PMS1: variants seen among roughly 807,000 people sequenced by gnomAD.
PMS1 encodes PMS1 homolog 1, mismatch repair system component.
Under a neutral mutation model 93.1 loss-of-function variants are expected in PMS1, and 79 were observed. The ratio of observed to expected loss-of-function variants is 0.85; its 90% CI spans 0.71 to 1.02. The LOEUF (loss-of-function observed/expected upper bound fraction) is 1.02, where lower values mean the gene tolerates loss of function less well. Among genes scored for constraint, PMS1 ranks in the 50% least tolerant of loss-of-function variants. The pLI, the probability that PMS1 is intolerant of heterozygous loss-of-function variation, is 0.00. For missense variants in PMS1, 1,064 were observed against 1,085.3 expected (o/e 0.98, Z 0.28); for synonymous variants, 335 against 363.4 (o/e 0.92, Z 0.89).
chr2:189,823,852 C>T (rs2106347074), intron 5 of PMS1, among the ~76,000 whole-genome samples: 1 of 152,212 alleles, frequency 6.6e-6, no homozygotes, highest in East Asian at 1.9e-4. Flanking sequence ...TCGTTTCCCA[C>T]ATATAAAGTC....
At chr2:189,791,620 A>C (rs1042952734) in intron 1 of PMS1, 170 bp from the exon 2 acceptor site, 66 of 532,216 alleles carry the variant, frequency 1.2e-4, no homozygotes, top group Non-Finnish European at 2.1e-4. Flanking sequence ...ATCTCCAAAA[A>C]AAAAAAAAGA....
At chr2:189,824,839 A>T (rs1045736914) in intron 5 of PMS1, among the ~76,000 whole-genome samples, 4 of 152,056 alleles carry the variant, frequency 2.6e-5, no homozygotes, top group African/African-American at 9.7e-5. Flanking sequence ...TTAAAATGTT[A>T]AAATATATTG....
chr2:189,843,294 A>T (rs911602831), intron 5 of PMS1, among the ~76,000 whole-genome samples: 2 of 152,320 alleles, frequency 1.3e-5, no homozygotes, highest in East Asian at 3.9e-4. Context: ...CTGGGATTAC[A>T]GGTGTGAGTC....
intron 4 of PMS1, among the ~76,000 whole-genome samples, chr2:189,813,107 G>A (rs1219712073): frequency 2.0e-5 from 3 of 152,104 alleles, no homozygotes; most frequent in African/African-American, 7.2e-5. Context: ...GGGAGGGAAA[G>A]GACTTGACAT....
Position 189,845,138 on chromosome 2 carries a change from G to A in PMS1, c.699+1058G>A, listed in dbSNP as rs146576196. 3.3e-3 allele frequency among the ~76,000 whole-genome samples: 496 copies of A among 152,270 alleles called. 3 individuals carry two copies. Among genetic ancestry groups the A allele is most frequent in the African/African-American group, 0.012 (485 of 41,546 alleles). ...CTCCCAAAGTGCTGGGATTATAGGC[G>A]TGAGCCACCACGCCCAGCCTCATAA... On this transcript the variant is annotated intron_variant, in intron 6 of 12. Coordinates refer to ENST00000441310, the MANE Select transcript of PMS1 (RefSeq NM_000534.5).
At chr2:189,871,314 T>TA (rs201037567) in intron 11 of PMS1, among the ~76,000 whole-genome samples, 1,966 of 148,156 alleles carry the variant, frequency 0.013, 42 homozygotes, top group African/African-American at 0.044. Context: ...TCATGAGCTT[T>TA]AAAAAAAAAA....
At chr2:189,824,958 A>C (rs1279489475) in intron 5 of PMS1, among the ~76,000 whole-genome samples, 1 of 151,968 alleles carries the variant, frequency 6.6e-6, no homozygotes, top group Admixed American at 6.6e-5. Flanking sequence ...TCATCATTCT[A>C]TATGTACTTT....
intron 11 of PMS1, among the ~76,000 whole-genome samples, chr2:189,872,186 A>C (rs2057209696): frequency 1.3e-5 from 2 of 152,090 alleles, no homozygotes; most frequent in Non-Finnish European, 2.9e-5. Flanking sequence ...CTCATCCCTT[A>C]ATGCTTGATA....
At chr2:189,867,486 T>G (rs1145233) in intron 10 of PMS1, among the ~76,000 whole-genome samples, 1,995 of 152,332 alleles carry the variant, frequency 0.013, 37 homozygotes, top group African/African-American at 0.045. Flanking sequence ...TTATTGTGTC[T>G]GTTTTGAAGG....
At chr2:189,792,138 A>T (rs895897012) in intron 2 of PMS1, among the ~76,000 whole-genome samples, 197 bp downstream of exon 2, 1 of 152,250 alleles carries the variant, frequency 6.6e-6, no homozygotes, top group African/African-American at 2.4e-5. Context: ...CACTAAAGGA[A>T]ATATAAAAGA....
chr2:189,835,719 A>G (rs548054615), intron 5 of PMS1, among the ~76,000 whole-genome samples: 43 of 152,198 alleles, frequency 2.8e-4, no homozygotes, highest in African/African-American at 9.6e-4. Flanking sequence ...TGAGTCCAGG[A>G]GTTCAAGACC....
In PMS1 at chr2:189,814,308, C is replaced by CAA. The variant is rs201884192; in HGVS notation, c.419-3709_419-3708insAA. On this transcript the variant is annotated intron_variant, in intron 4 of 12. Transcript: ENST00000441310. ...TGCTCTATATAAAAATAGAGGAAGA[C>CAA]CCCCCCCCAAAAAAAAATCATTAGT... 2.7e-5 allele frequency among the ~76,000 whole-genome samples: 4 copies of CAA among 146,796 alleles called. No individual in the cohort carries two copies. The South Asian group carries it at 8.8e-4, about 32-fold the overall frequency.
At chr2:189,851,390 T>A (rs1194460531) in intron 6 of PMS1, among the ~76,000 whole-genome samples, 1 of 152,212 alleles carries the variant, frequency 6.6e-6, no homozygotes, top group Non-Finnish European at 1.5e-5. Flanking sequence ...GCAGGTGCTT[T>A]AAGAAGGGTC....
intron 9 of PMS1, among the ~76,000 whole-genome samples, chr2:189,858,218 C>G (rs1485581993): frequency 6.6e-6 from 1 of 151,974 alleles, no homozygotes; most frequent in Non-Finnish European, 1.5e-5. Context: ...CGCCTTTCTT[C>G]TAGTGGATTA....
chr2:189,808,792 A>T (rs1291763789), intron 4 of PMS1, among the ~76,000 whole-genome samples: 1 of 152,126 alleles, frequency 6.6e-6, no homozygotes, highest in Non-Finnish European at 1.5e-5. Flanking sequence ...GTTCACTTCC[A>T]TTTTAAAGCA....
chr2:189,840,602 A>T lies in PMS1; in HGVS notation c.583-3362A>T, dbSNP rs5743097. On this transcript the variant is annotated intron_variant, in intron 5 of 12. Coordinates refer to ENST00000441310, the MANE Select transcript of PMS1 (RefSeq NM_000534.5). ...TTTAGGATGGAGAAATACCTGAATT[A>T]TTTTTTAGCTCTGCTATTTTGCTGT... is the stretch of plus-strand genomic sequence containing the variant. Among the ~76,000 whole-genome samples the T allele has an allele frequency of 6.4e-4, 97 of 152,340 alleles. 3 individuals carry two copies. In the South Asian group the frequency reaches 0.019, roughly 31 times the overall value.
intron 10 of PMS1, among the ~76,000 whole-genome samples, chr2:189,865,931 A>G (rs1448258617): frequency 6.6e-6 from 1 of 152,220 alleles, no homozygotes; most frequent in African/African-American, 2.4e-5. Context: ...TGTTAAAGAC[A>G]CTGCCATCAT....
At chr2:189,849,393 T>A (rs1182248661) in intron 6 of PMS1, among the ~76,000 whole-genome samples, 1 of 152,216 alleles carries the variant, frequency 6.6e-6, no homozygotes, top group African/African-American at 2.4e-5. Flanking sequence ...TTCATATTCT[T>A]CTCTTCTAAA....
intron 10 of PMS1, among the ~76,000 whole-genome samples, chr2:189,865,367 A>G (rs779022322): frequency 5.5e-4 from 84 of 152,172 alleles, no homozygotes; most frequent in Middle Eastern, 3.4e-3. Context: ...TCTCTCCCCT[A>G]TGTTTAATTG....
Sources: gnomAD v4.1 joint callset for allele counts (sites outside exome capture counted in the v4.1 genomes callset) on GRCh38, gnomAD v4.1.1 for gene constraint, MANE v1.5 for transcripts, NCBI Gene and HGNC (gene_info 2026-07-23, HGNC 2026-07-21) for gene names.